Variants in ZNF804A observed in about 807,000 individuals in gnomAD.
ZNF804A encodes the protein zinc finger protein 804A.
A neutral mutation model predicts 16.5 loss-of-function variants in ZNF804A; 2 were observed. The observed-to-expected ratio is 0.12, with a 90% CI of 0.05 to 0.38. ZNF804A has a LOEUF of 0.38. Ranked by LOEUF, ZNF804A falls within the 10% of genes least tolerant of loss-of-function variation. The pLI is 0.99. For missense variants in ZNF804A, 1,473 were observed against 1,390.7 expected (o/e 1.06, Z -0.94); for synonymous variants, 534 against 489.6 (o/e 1.09, Z -1.20).
chr2:184,854,254 A>G (rs1695652074), intron 1 of ZNF804A, among the ~76,000 whole-genome samples: 1 of 151,988 alleles, frequency 6.6e-6, no homozygotes. Flanking sequence ...GTGATGGATC[A>G]CAGTCAAAAT....
At chr2:184,890,888 C>G (rs1324132649) in intron 2 of ZNF804A, among the ~76,000 whole-genome samples, 1 of 151,060 alleles carries the variant, frequency 6.6e-6, no homozygotes, top group East Asian at 1.9e-4. Flanking sequence ...GTATATGTGT[C>G]AAATATATGT....
intron 1 of ZNF804A, among the ~76,000 whole-genome samples, chr2:184,792,969 A>G (rs1290285807): frequency 3.3e-5 from 5 of 152,038 alleles, no homozygotes; most frequent in South Asian, 4.2e-4. Flanking sequence ...TTGTTCCCCA[A>G]TTTATGTACA....
intron 1 of ZNF804A, among the ~76,000 whole-genome samples, chr2:184,836,016 A>G (rs1695340149): frequency 6.6e-6 from 1 of 152,184 alleles, no homozygotes; most frequent in Non-Finnish European, 1.5e-5. Flanking sequence ...TTAAATCCTA[A>G]CTTTGCCACT....
intron 1 of ZNF804A, among the ~76,000 whole-genome samples, chr2:184,847,953 T>G (rs1695545188): frequency 6.6e-6 from 1 of 152,100 alleles, no homozygotes; most frequent in Admixed American, 6.6e-5. Context: ...GGAGCTTCCT[T>G]GCCCTCTGTA....
At chr2:184,723,987 G>A (rs1338351029) in intron 1 of ZNF804A, among the ~76,000 whole-genome samples, 1 of 151,666 alleles carries the variant, frequency 6.6e-6, no homozygotes, top group East Asian at 1.9e-4. Flanking sequence ...AATTAATGAA[G>A]ATCCTTATAT....
intron 1 of ZNF804A, among the ~76,000 whole-genome samples, chr2:184,825,941 G>A (rs927393626): frequency 3.3e-5 from 5 of 151,764 alleles, no homozygotes; most frequent in Non-Finnish European, 7.4e-5. Flanking sequence ...GCACGATCAC[G>A]GCTCATTGCA....
chr2:184,914,754 G>T (rs11899441), intron 2 of ZNF804A, among the ~76,000 whole-genome samples: 9,565 of 151,780 alleles, frequency 0.063, 1,013 homozygotes, highest in African/African-American at 0.22. Context: ...ATATTTACAC[G>T]TATATAGCAT....
chr2:184,912,272 T>G (rs1477125081), intron 2 of ZNF804A, among the ~76,000 whole-genome samples: 1 of 152,078 alleles, frequency 6.6e-6, no homozygotes, highest in Non-Finnish European at 1.5e-5. Flanking sequence ...TCTGGCTTAT[T>G]TCCCATACAA....
chr2:184,866,652 A>G (rs1269735628), intron 2 of ZNF804A, 140 bp downstream of exon 2: 2 of 674,492 alleles, frequency 3.0e-6, no homozygotes, highest in Admixed American at 8.2e-5. Flanking sequence ...TTCTGGGATG[A>G]TAATTTGATG....
At chr2:184,657,706 T>C (rs565853008) in intron 1 of ZNF804A, among the ~76,000 whole-genome samples, 6 of 152,360 alleles carry the variant, frequency 3.9e-5, no homozygotes, top group African/African-American at 1.4e-4. Flanking sequence ...TATGATTCTT[T>C]GTCCAGTTTG....
intron 1 of ZNF804A, among the ~76,000 whole-genome samples, chr2:184,727,097 G>A (rs1330592808): frequency 6.6e-6 from 1 of 151,402 alleles, no homozygotes; most frequent in Non-Finnish European, 1.5e-5. Context: ...TTCTTAAAAG[G>A]AACTTTATAT....
chr2:184,935,728 AT>A (rs58269460), intron 3 of ZNF804A, 54 bp from the exon 4 acceptor site: 115 of 1,456,952 alleles, frequency 7.9e-5, no homozygotes, highest in South Asian at 3.5e-4. Flanking sequence ...ATATTTGACT[AT>A]TTTTTTTTCT....
intron 1 of ZNF804A, among the ~76,000 whole-genome samples, chr2:184,685,181 C>T (rs148854167): frequency 7.3e-4 from 111 of 152,182 alleles, no homozygotes; most frequent in Middle Eastern, 6.8e-3. Context: ...GGCATAGGTG[C>T]TGGCTTCGTG....
At chr2:184,644,689 C>T (rs1168257248) in intron 1 of ZNF804A, among the ~76,000 whole-genome samples, 2 of 151,900 alleles carry the variant, frequency 1.3e-5, no homozygotes, top group East Asian at 3.9e-4. Context: ...CTTTCAAATT[C>T]TATGAAAGCA....
At chr2:184,686,856 A>G (rs1318112172) in intron 1 of ZNF804A, among the ~76,000 whole-genome samples, 1 of 152,104 alleles carries the variant, frequency 6.6e-6, no homozygotes. Flanking sequence ...AAAGGTTCCC[A>G]TTCATGTTCT....
At chr2:184,905,892 A>G (rs1574265391) in intron 2 of ZNF804A, among the ~76,000 whole-genome samples, 1 of 152,276 alleles carries the variant, frequency 6.6e-6, no homozygotes, top group South Asian at 2.1e-4. Context: ...TCATTTGTGT[A>G]CTTGGTGATA....
At chr2:184,928,131 C>T (rs1046735022) in intron 2 of ZNF804A, among the ~76,000 whole-genome samples, 5 of 152,208 alleles carry the variant, frequency 3.3e-5, no homozygotes, top group African/African-American at 7.2e-5. Context: ...ACGAGGCCCA[C>T]GAAGTACTAC....
At chr2:184,834,689 A>C (rs1695317220) in intron 1 of ZNF804A, among the ~76,000 whole-genome samples, 1 of 152,122 alleles carries the variant, frequency 6.6e-6, no homozygotes, top group African/African-American at 2.4e-5. Context: ...AACTGCTTTG[A>C]AAGTAATCTG....
intron 1 of ZNF804A, among the ~76,000 whole-genome samples, chr2:184,676,622 A>C (rs865964929): frequency 1.1e-4 from 17 of 151,748 alleles, no homozygotes; most frequent in African/African-American, 3.9e-4. Context: ...TCCCATAGGC[A>C]ACAGTATAAA....
Sources: gnomAD v4.1 joint callset for allele counts (sites outside exome capture counted in the v4.1 genomes callset) on GRCh38, gnomAD v4.1.1 for gene constraint, MANE v1.5 for transcripts, NCBI Gene and HGNC (gene_info 2026-07-23, HGNC 2026-07-21) for gene names.